Variants in USP36 observed in about 807,000 individuals in gnomAD.
USP36 encodes the protein ubiquitin carboxyl-terminal hydrolase 36.
A neutral mutation model predicts 111.5 loss-of-function variants in USP36; 59 were observed. That is an observed-to-expected ratio of 0.53 (90% CI 0.43 to 0.66). USP36 has a LOEUF of 0.66. Ranked by LOEUF, USP36 falls within the 30% of genes least tolerant of loss-of-function variation. The pLI, the probability that USP36 is intolerant of heterozygous loss-of-function variation, is 0.00. For synonymous variants in USP36, 628 were observed against 581.0 expected (o/e 1.08, Z -1.16); for missense variants, 1,488 against 1,468.0 (o/e 1.01, Z -0.22).
intron 17 of USP36, among the ~76,000 whole-genome samples, chr17:78,801,540 A>G (rs967026333): frequency 6.6e-5 from 10 of 152,116 alleles, no homozygotes; most frequent in Admixed American, 5.2e-4. Flanking sequence ...TCACTTAACA[A>G]ATGTGTTCTG....
In USP36 at chr17:78,797,674, G is replaced by A. The variant is rs1471904474; in HGVS notation, c.*226C>T. 2 of 152,310 alleles carry A rather than the reference G, an allele frequency of 1.3e-5. No individual in the cohort carries two copies. The highest frequency in any genetic ancestry group is 1.9e-4 in the East Asian group (1 of 5,192). 9.4% of individuals were successfully genotyped at this position (152,310 alleles called of 1,614,324 possible). ...CACCTCTGCTCACACACACACTGTC[G>A]TTTCTCTTGCAGGGCTGGTCGGGAA... is the stretch of plus-strand genomic sequence containing the variant. On this transcript the variant is annotated 3_prime_UTR_variant, in exon 21 of 21. Transcript: ENST00000449938.
Position 78,798,660 on chromosome 17 carries a change from CT to C in USP36, c.3241-110del. 1 of 1,516,280 alleles carries C rather than the reference CT, an allele frequency of 6.6e-7. No homozygotes were observed. The highest frequency in any genetic ancestry group is 1.2e-5 in the South Asian group (1 of 83,884). 93.9% of individuals were successfully genotyped at this position (1,516,280 alleles called of 1,614,324 possible). A position where few individuals can be genotyped will look rare whatever the true frequency, so the allele number is the denominator to read the frequency against. ...CACACAGGCCGGGCTCTCATGAGCTCTCTGGAGACCCACTCTTCACAATGAC... is the reference window on the plus strand; with the variant it reads ...CACACAGGCCGGGCTCTCATGAGCTCCTGGAGACCCACTCTTCACAATGAC... On this transcript the variant is annotated intron_variant, in intron 19 of 20. Transcript: ENST00000449938. The surrounding 1 kb of genome is among the most constrained non-coding windows in gnomAD (Gnocchi z 5.1).
At chr17:78,819,514 G>A (rs986834319) in intron 9 of USP36, among the ~76,000 whole-genome samples, 1 of 152,268 alleles carries the variant, frequency 6.6e-6, no homozygotes, top group Non-Finnish European at 1.5e-5. Context: ...CTCCTTAAGA[G>A]GCAAGAGAGC....
Position 78,797,051 on chromosome 17 carries a change from A to G in USP36, c.*849T>C, listed in dbSNP as rs1432009023. ...TATTTGGGAAAGGAAACATATTGCTAATGGAAGCCACAGGACTGGTCAAAA... is the reference window on the plus strand; with the variant it reads ...TATTTGGGAAAGGAAACATATTGCTGATGGAAGCCACAGGACTGGTCAAAA... On this transcript the variant is annotated 3_prime_UTR_variant, in exon 21 of 21. Coordinates refer to ENST00000449938, the MANE Select transcript of USP36 (RefSeq NM_001385174.1). 1 of 152,240 alleles carries G rather than the reference A, an allele frequency of 6.6e-6. No individual in the cohort carries two copies. The highest frequency in any genetic ancestry group is 1.5e-5 in the Non-Finnish European group (1 of 68,038). The allele number at this position is 152,240 out of a possible 1,614,324, so 9.4% of individuals were successfully genotyped here.
At chr17:78,795,410 G>A (rs2144856313), downstream of USP36, among the ~76,000 whole-genome samples, 1 of 152,346 alleles carries the variant, frequency 6.6e-6, no homozygotes, top group South Asian at 2.1e-4. The surrounding 1 kb of genome is among the most constrained non-coding windows in gnomAD (Gnocchi z 4.5). Context: ...CAGCTGCAGA[G>A]CAGCATTCTC....
intron 2 of USP36, among the ~76,000 whole-genome samples, chr17:78,836,985 G>A (rs1319044894): frequency 6.6e-6 from 1 of 152,118 alleles, no homozygotes; most frequent in African/African-American, 2.4e-5. Flanking sequence ...TGCTATAAGT[G>A]TAAAATGCAC....
At chr17:78,804,283 G>A (rs1262965204) in intron 15 of USP36, among the ~76,000 whole-genome samples, 3 of 151,986 alleles carry the variant, frequency 2.0e-5, no homozygotes, top group Non-Finnish European at 2.9e-5. Context: ...CCAACATGGT[G>A]AAACCCCATC....
In USP36 at chr17:78,798,361, C is replaced by T. The variant is rs187253459; in HGVS notation, c.*20+39G>A. On this transcript the variant is annotated intron_variant, in intron 20 of 20. Coordinates refer to ENST00000449938, the MANE Select transcript of USP36 (RefSeq NM_001385174.1). This position sits in a 1 kb window ranked among gnomAD's most constrained non-coding sequence, Gnocchi z 5.1. Reference sequence around the variant, plus strand: ...CCTACACACATACACGGCACACACACCCCCACCTCACCCTTACACCCACCC... The same window carrying T: ...CCTACACACATACACGGCACACACATCCCCACCTCACCCTTACACCCACCC... 191 of 1,608,284 alleles carry T rather than the reference C, an allele frequency of 1.2e-4. No homozygotes were observed. The African/African-American group carries it at 2.1e-3, about 17-fold the overall frequency.
chr17:78,800,237 C>T (rs1180559773), intron 17 of USP36, among the ~76,000 whole-genome samples: 2 of 152,182 alleles, frequency 1.3e-5, no homozygotes, highest in Non-Finnish European at 2.9e-5. Context: ...TCCACCTCAC[C>T]TACGGGAGAG....
At chr17:78,787,390 C>CTGAAACA (rs2093545073) in exon 4 of USP36, 1 of 152,160 alleles carries the variant, frequency 6.6e-6, no homozygotes, top group African/African-American at 2.4e-5. Flanking sequence ...CTTCAAAAGA[C>CTGAAACA]TGAAACAGAT....
At chr17:78,814,662 C>G in intron 10 of USP36, 110 bp from the exon 11 acceptor site, 2 of 1,373,848 alleles carry the variant, frequency 1.5e-6, no homozygotes, top group South Asian at 2.8e-5. Context: ...TGGTCTTTAA[C>G]AATTTGGGGG....
At position 78,836,102 on chromosome 17, in the gene USP36, C is replaced by A. The variant is rs771851998; in HGVS notation, c.253+9G>T. 1 of 1,612,804 alleles carries A rather than the reference C, an allele frequency of 6.2e-7. No individual in the cohort carries two copies. Among genetic ancestry groups the A allele is most frequent in the Admixed American group, 1.7e-5 (1 of 60,028 alleles). Reference sequence around the variant, plus strand: ...AGGGCCTCTCTGCCAGCACACTGCACATCTGTACCCTGTCTCCTGGCCGGT... The same window carrying A: ...AGGGCCTCTCTGCCAGCACACTGCAAATCTGTACCCTGTCTCCTGGCCGGT... On this transcript the variant is annotated intron_variant, in intron 3 of 20. Transcript: ENST00000449938.
rs768169484 is a variant in USP36, at chr17:78,803,431, C to A, written c.2764G>T (p.Gly922Cys). Residue 922 changes from glycine (G) to cysteine (C), a missense_variant, in exon 16 of 21, where the codon GGT becomes TGT. Coordinates refer to ENST00000449938, the MANE Select transcript of USP36 (RefSeq NM_001385174.1). The surrounding 1 kb of genome is among the most constrained non-coding windows in gnomAD (Gnocchi z 4.6). ...TGCAGGCCGCCTTCTTCACCAAGAC[C>A]TTCTGCTCCTTTCCTCCTCCGCTTC... is the stretch of plus-strand genomic sequence containing the variant. Reference protein sequence around the residue: ...SRKRRRKGAEGLGEEGGLHQD... With the variant: ...SRKRRRKGAECLGEEGGLHQD... 1 of 1,614,154 alleles carries A rather than the reference C, an allele frequency of 6.2e-7. No individual in the cohort carries two copies. Among genetic ancestry groups the A allele is most frequent in the East Asian group, 2.2e-5 (1 of 44,880 alleles).
At chr17:78,802,647 T>G in intron 16 of USP36, 112 bp from the exon 17 acceptor site, 1 of 1,023,898 alleles carries the variant, frequency 9.8e-7, no homozygotes, top group South Asian at 1.6e-5. Context: ...TGTGACCCAG[T>G]GCACGCAGGT....
At chr17:78,821,155 C>T in intron 7 of USP36, 94 bp from the exon 8 acceptor site, 1 of 1,277,272 alleles carries the variant, frequency 7.8e-7, no homozygotes, top group Non-Finnish European at 1.1e-6. Flanking sequence ...AGACTCTCAG[C>T]AGGGCTTTGG....
intron 13 of USP36, among the ~76,000 whole-genome samples, chr17:78,810,516 C>T (rs1009276663): frequency 6.6e-6 from 1 of 152,156 alleles, no homozygotes; most frequent in African/African-American, 2.4e-5. Context: ...CTGGGATCCA[C>T]TGATCTTCCC....
chr17:78,812,866 A>C lies in USP36; in HGVS notation c.1401T>G (p.Thr467=), dbSNP rs1394110049. The C allele has an allele frequency of 1.2e-6, 2 of 1,613,222 alleles. No homozygotes were observed. The highest frequency in any genetic ancestry group is 1.7e-6 in the Non-Finnish European group (2 of 1,179,946). ...CCATCATTCTCACAAATACCTTTCCAGTCAGTGGGGAGGAAATAATCCCAT... is the reference window on the plus strand; with the variant it reads ...CCATCATTCTCACAAATACCTTTCCCGTCAGTGGGGAGGAAATAATCCCAT... ...IGNGIISSPL[T]GKRQDSGTMK... is the part of the protein sequence containing the mutation. The change falls in exon 13 of 21, where the codon ACT becomes ACG. Residue 467 remains threonine (T), a synonymous_variant. Transcript: ENST00000449938.
chr17:78,807,102 C>T lies in USP36; in HGVS notation c.1942G>A (p.Ala648Thr), dbSNP rs376772768. The change falls in exon 14 of 21, where the codon GCT becomes ACT. Residue 648 changes from alanine to threonine, a missense_variant. Physicochemically the swap from Ala to Thr is moderately conservative, Grantham distance 58 (BLOSUM62 0). Coordinates refer to ENST00000449938, the MANE Select transcript of USP36 (RefSeq NM_001385174.1). ...CTTGGCGGCGTTTTGGAGTGGCCAGCGGTGGAACAGTTCGTTTCCTGAGAA... is the reference window on the plus strand; with the variant it reads ...CTTGGCGGCGTTTTGGAGTGGCCAGTGGTGGAACAGTTCGTTTCCTGAGAA... ...CDSQETNCST[A>T]GHSKTPPSGA... is the part of the protein sequence containing the mutation. The T allele has an allele frequency of 4.6e-5, 74 of 1,614,072 alleles. 1 individual carries two copies. The highest frequency in any genetic ancestry group is 1.0e-4 in the Admixed American group (6 of 60,004).
downstream of USP36, among the ~76,000 whole-genome samples, chr17:78,795,390 C>CA (rs2093614960): frequency 6.6e-6 from 1 of 152,242 alleles, no homozygotes; most frequent in Non-Finnish European, 1.5e-5. This position sits in a 1 kb window ranked among gnomAD's most constrained non-coding sequence, Gnocchi z 4.5. Context: ...GAGCCACACA[C>CA]ATCAGGTAAC....
Sources: allele counts gnomAD v4.1 joint callset (sites outside exome capture counted in the v4.1 genomes callset), GRCh38; gene constraint gnomAD v4.1.1; non-coding constraint Gnocchi (gnomAD v3.1); transcripts MANE v1.5; gene names NCBI Gene and HGNC (gene_info 2026-07-23, HGNC 2026-07-21).